PLXNC1: variants seen among roughly 807,000 people sequenced by gnomAD.
PLXNC1 encodes plexin C1, also known as plexin-C1.
In PLXNC1, 75 loss-of-function variants were observed where a neutral mutation model predicts 178.2. The ratio of observed to expected loss-of-function variants is 0.42; its 90% CI spans 0.35 to 0.51. PLXNC1 has a LOEUF of 0.51. Ranked by LOEUF, PLXNC1 falls within the 20% of genes least tolerant of loss-of-function variation. The pLI is 0.02. For synonymous variants in PLXNC1, 790 were observed against 779.9 expected, an observed-to-expected ratio of 1.01 and a Z score of -0.22; for missense variants, 1,503 against 1,984.4, an observed-to-expected ratio of 0.76 and a Z score of 4.61.
intron 21 of PLXNC1, among the ~76,000 whole-genome samples, chr12:94,270,262 T>C (rs1565843328): frequency 6.6e-6 from 1 of 152,262 alleles, no homozygotes; most frequent in Non-Finnish European, 1.5e-5. Flanking sequence ...GTGGCCCCTC[T>C]GCCTATTTTT....
At chr12:94,287,019 G>C (rs73230134) in intron 23 of PLXNC1, among the ~76,000 whole-genome samples, 16,953 of 152,236 alleles carry the variant, frequency 0.11, 1,119 homozygotes, top group Non-Finnish European at 0.14. Context: ...CAGCACCGGG[G>C]AATTGCTTTC....
intron 12 of PLXNC1, among the ~76,000 whole-genome samples, chr12:94,247,558 C>A (rs1964563382): frequency 6.6e-6 from 1 of 152,176 alleles, no homozygotes; most frequent in Non-Finnish European, 1.5e-5. Context: ...CTTCCCCTTT[C>A]CCTAGCCTAC....
chr12:94,249,500 C>T (rs1401705091), intron 14 of PLXNC1, among the ~76,000 whole-genome samples: 1 of 152,116 alleles, frequency 6.6e-6, no homozygotes, highest in Non-Finnish European at 1.5e-5. Flanking sequence ...TCCCAAAGTG[C>T]TGGCATTACA....
chr12:94,297,383 A>T lies in PLXNC1; in HGVS notation c.4034A>T (p.Lys1345Ile), dbSNP rs1304351717. The T allele has an allele frequency of 6.2e-7, 1 of 1,613,930 alleles. No individual in the cohort carries two copies. Among genetic ancestry groups the T allele is most frequent in the Non-Finnish European group, 8.5e-7 (1 of 1,179,860 alleles). ...AGACATCGAGGGAAGCACAAGTTCA[A>T]AGTAAAAGAAATGTATCTGACAAAG... ...GKRHRGKHKF[K>I]VKEMYLTKLL... is the part of the protein sequence containing the mutation. The change falls in exon 26 of 31, where the codon AAA becomes ATA. Residue 1345 changes from lysine to isoleucine, a missense_variant. Lys to Ile is a moderately radical substitution (Grantham distance 102). Around this residue, in one of 4 missense-constraint regions of PLXNC1, gnomAD observed 639 missense variants for 979.7 expected, o/e 0.65. Transcript: ENST00000258526.
At chr12:94,203,288 A>G (rs1963197364) in intron 4 of PLXNC1, among the ~76,000 whole-genome samples, 2 of 152,222 alleles carry the variant, frequency 1.3e-5, no homozygotes, top group African/African-American at 4.8e-5. Context: ...AAGCTGGAAG[A>G]TGGTACATCA....
chr12:94,194,144 T>C (rs932075764), intron 4 of PLXNC1, among the ~76,000 whole-genome samples: 1 of 151,894 alleles, frequency 6.6e-6, no homozygotes, highest in Admixed American at 6.6e-5. Flanking sequence ...AAAGGGGGGT[T>C]GGGGAGGTGC....
At chr12:94,268,587 C>CTTTTT (rs1440028409) in intron 21 of PLXNC1, among the ~76,000 whole-genome samples, 5 of 100,572 alleles carry the variant, frequency 5.0e-5, no homozygotes, top group Admixed American at 2.2e-4. Context: ...GAGAATAAGA[C>CTTTTT]CTTTTTTTTT....
chr12:94,259,766 C>T, intron 19 of PLXNC1, 32 bp downstream of exon 19: 3 of 1,558,024 alleles, frequency 1.9e-6, no homozygotes, highest in Non-Finnish European at 2.6e-6. Flanking sequence ...TTTTAAAAGC[C>T]TTTAAGAAAA....
At position 94,166,759 on chromosome 12, in the gene PLXNC1, C is replaced by G. The variant is rs570094401; in HGVS notation, c.1063-2394C>G. Among the ~76,000 whole-genome samples the G allele has an allele frequency of 1.4e-4, 22 of 151,924 alleles. No individual in the cohort carries two copies. In the East Asian group the frequency reaches 3.3e-3, roughly 23 times the overall value. On this transcript the variant is annotated intron_variant, in intron 1 of 30. Coordinates refer to ENST00000258526, the MANE Select transcript of PLXNC1 (RefSeq NM_005761.3). ...GAATGTTGATTTAATGGCTGCACCA[C>G]TTACCCATGCTACTTTTTTTTTTTT...
At chr12:94,259,850 GC>G in intron 19 of PLXNC1, 116 bp downstream of exon 19, 1 of 758,900 alleles carries the variant, frequency 1.3e-6, no homozygotes, top group Non-Finnish European at 2.0e-6. Context: ...ATCACTTGAG[GC>G]CAGGAGTTCA....
chr12:94,210,536 T>C (rs564355126), intron 5 of PLXNC1, among the ~76,000 whole-genome samples: 1 of 152,320 alleles, frequency 6.6e-6, no homozygotes, highest in African/African-American at 2.4e-5. Context: ...TTGAATGCCA[T>C]ATTAACAAGG....
In PLXNC1 at chr12:94,243,927, A is replaced by G; in HGVS notation, c.2301-11A>G. On this transcript the variant is annotated splice_polypyrimidine_tract_variant and intron_variant, in intron 11 of 30. Transcript: ENST00000258526. ...CTATGAAACCCTTATTGTTGCTTTT[A>G]TTCCTTGCAGTGGTGGTCAAAATAT... The G allele has an allele frequency of 6.8e-7, 1 of 1,472,288 alleles. No individual in the cohort carries two copies. The highest frequency in any genetic ancestry group is 1.2e-5 in the South Asian group (1 of 81,732). The allele number at this position is 1,472,288 out of a possible 1,614,324, so 91.2% of individuals were successfully genotyped here.
intron 14 of PLXNC1, 98 bp downstream of exon 14, chr12:94,248,510 C>A: frequency 7.6e-6 from 7 of 920,348 alleles, no homozygotes; most frequent in Non-Finnish European, 1.2e-5. Context: ...CATGGATCTT[C>A]AGATCCTCAC....
At chr12:94,249,239 T>C (rs1377582782) in intron 14 of PLXNC1, among the ~76,000 whole-genome samples, 2 of 152,120 alleles carry the variant, frequency 1.3e-5, no homozygotes, top group Admixed American at 6.5e-5. Context: ...TAATAAGTTT[T>C]ATTTGTTTTT....
Position 94,259,331 on chromosome 12 carries a change from T to G in PLXNC1, c.3088-6T>G. ...ATGAATAATAAAAGTGTCTCCTTCC[T>G]CTCAGTCAGGTGGCTTCACCCACAT... On this transcript the variant is annotated splice_region_variant and splice_polypyrimidine_tract_variant and intron_variant, in intron 17 of 30. Transcript: ENST00000258526. 1 of 1,588,676 alleles carries G rather than the reference T, an allele frequency of 6.3e-7. No homozygotes were observed. Among genetic ancestry groups the G allele is most frequent in the Non-Finnish European group, 8.6e-7 (1 of 1,168,438 alleles).
At chr12:94,301,866 T>G (rs1392769506) in intron 28 of PLXNC1, among the ~76,000 whole-genome samples, 1 of 152,216 alleles carries the variant, frequency 6.6e-6, no homozygotes, top group Non-Finnish European at 1.5e-5. Flanking sequence ...CAACGTTATC[T>G]TTGACTCCTC....
At position 94,209,580 on chromosome 12, in the gene PLXNC1, G is replaced by A. The variant is rs544215969; in HGVS notation, c.1440-10G>A. 6.0e-5 allele frequency: 94 copies of A among 1,562,178 alleles called. No homozygotes were observed. Among genetic ancestry groups the A allele is most frequent in the South Asian group, 5.7e-4 (51 of 89,728 alleles). Reference sequence around the variant, plus strand: ...TATGGGGTCGCTGTTTTGTTGCCTCGTTTTTTTAGGTGCACTTTTCAAGGA... The same window carrying A: ...TATGGGGTCGCTGTTTTGTTGCCTCATTTTTTTAGGTGCACTTTTCAAGGA... On this transcript the variant is annotated splice_polypyrimidine_tract_variant and intron_variant, in intron 4 of 30. Transcript: ENST00000258526.
intron 20 of PLXNC1, among the ~76,000 whole-genome samples, chr12:94,263,484 C>A (rs529311879): frequency 6.6e-6 from 1 of 152,096 alleles, no homozygotes; most frequent in Non-Finnish European, 1.5e-5. Flanking sequence ...ACACAGCCCC[C>A]GAGAGCCCAC....
At position 94,177,091 on chromosome 12, in the gene PLXNC1, G is replaced by GTA. The variant is rs1219806586; in HGVS notation, c.1204-4345_1204-4344dup. Among the ~76,000 whole-genome samples, 455 of 139,662 alleles carry GTA rather than the reference G, an allele frequency of 3.3e-3. 1 individual carries two copies. Among genetic ancestry groups the GTA allele is most frequent in the African/African-American group, 0.011 (418 of 37,318 alleles). 91.6% of individuals were successfully genotyped at this position (139,662 alleles called of 152,430 possible). On this transcript the variant is annotated intron_variant, in intron 2 of 30. Transcript: ENST00000258526. ...TGTGTGTGTGTGTATATATATATGTGTATATATATATGTGTGTGTGTATAT... is the reference window on the plus strand; with the variant it reads ...TGTGTGTGTGTGTATATATATATGTGTATATATATATATGTGTGTGTGTATAT...
Sources: gnomAD v4.1 joint callset for allele counts (sites outside exome capture counted in the v4.1 genomes callset) on GRCh38, gnomAD v4.1.1 for gene constraint, gnomAD v4.1.1 regional missense constraint, MANE v1.5 for transcripts, NCBI Gene and HGNC (gene_info 2026-07-23, HGNC 2026-07-21) for gene names.